The following WDFY3 variants were observed in gnomAD, a reference collection of about 807,000 sequenced individuals.
WDFY3 encodes the protein WD repeat and FYVE domain containing 3.
Under a neutral mutation model 409.6 loss-of-function variants are expected in WDFY3, and 66 were observed. That is an observed-to-expected ratio of 0.16 (90% CI 0.13 to 0.20). The LOEUF is 0.20. WDFY3 is among the 10% of genes least tolerant of loss of function. The pLI is 1.00. For synonymous variants in WDFY3, 1,521 were observed against 1,537.1 expected (o/e 0.99, Z 0.25); for missense variants, 3,031 against 4,298.1 (o/e 0.71, Z 8.24).
intron 53 of WDFY3, 151 bp from the exon 54 acceptor site, chr4:84,705,662 T>A: frequency 1.5e-6 from 1 of 658,278 alleles, no homozygotes. Flanking sequence ...AAAATAATGC[T>A]ATATATGTAC....
intron 53 of WDFY3, among the ~76,000 whole-genome samples, chr4:84,707,734 T>C (rs1174241975): frequency 6.6e-6 from 1 of 152,234 alleles, no homozygotes; most frequent in Non-Finnish European, 1.5e-5. Flanking sequence ...GAAAAAATAT[T>C]TTCATTTATC....
intron 51 of WDFY3, among the ~76,000 whole-genome samples, 155 bp from the exon 52 acceptor site, chr4:84,709,502 C>G (rs2080947154): frequency 6.6e-6 from 1 of 152,110 alleles, no homozygotes; most frequent in South Asian, 2.1e-4. Flanking sequence ...GGGTTGTGAT[C>G]AGCATTTTGA....
At chr4:84,771,426 C>T (rs1390789892) in intron 30 of WDFY3, among the ~76,000 whole-genome samples, 1 of 152,168 alleles carries the variant, frequency 6.6e-6, no homozygotes, top group East Asian at 1.9e-4. Context: ...GTGTAAGCCA[C>T]CATGTTCAGC....
rs1183401406 is a variant in WDFY3, at chr4:84,738,859, T to G, written c.6574+151A>C. On this transcript the variant is annotated intron_variant, in intron 40 of 67. Coordinates refer to ENST00000295888, the MANE Select transcript of WDFY3 (RefSeq NM_014991.6). ...ATTACTGGTTAGTGCTTTACTGTTA[T>G]TGGCATGAGGAGACTCTTTATGTAT... The G allele has an allele frequency of 4.7e-6, 3 of 638,532 alleles. No homozygotes were observed. The South Asian group carries it at 5.8e-5, about 12-fold the overall frequency. The allele number at this position is 638,532 out of a possible 1,614,324, so 39.6% of individuals were successfully genotyped here. A position where few individuals can be genotyped will look rare whatever the true frequency, so the allele number is the denominator to read the frequency against.
intron 39 of WDFY3, 90 bp from the exon 40 acceptor site, chr4:84,739,209 C>T: frequency 7.8e-7 from 1 of 1,282,188 alleles, no homozygotes; most frequent in Non-Finnish European, 1.1e-6. Context: ...CCATTACCAG[C>T]AGACACTGAA....
intron 4 of WDFY3, among the ~76,000 whole-genome samples, chr4:84,855,311 A>G (rs1474789064): frequency 6.6e-6 from 1 of 152,172 alleles, no homozygotes; most frequent in East Asian, 1.9e-4. Flanking sequence ...ACTCAGTACT[A>G]TATTTTTCTC....
intron 4 of WDFY3, among the ~76,000 whole-genome samples, chr4:84,855,180 T>C (rs1759587421): frequency 6.6e-6 from 1 of 152,220 alleles, no homozygotes; most frequent in Non-Finnish European, 1.5e-5. Context: ...GAATAGGTTC[T>C]ACTAGTAGCC....
chr4:84,716,705 A>G (rs1398232013), intron 49 of WDFY3, among the ~76,000 whole-genome samples, 191 bp downstream of exon 49: 2 of 151,940 alleles, frequency 1.3e-5, no homozygotes, highest in Non-Finnish European at 2.9e-5. Flanking sequence ...AGGCTAAGGC[A>G]GGAGAATGGT....
intron 1 of WDFY3, among the ~76,000 whole-genome samples, chr4:84,933,360 C>A (rs1219352892): frequency 6.6e-6 from 1 of 151,980 alleles, no homozygotes; most frequent in Non-Finnish European, 1.5e-5. Flanking sequence ...AGAAACCCAG[C>A]TAGAAGTAGG....
intron 2 of WDFY3, among the ~76,000 whole-genome samples, chr4:84,912,478 C>G (rs1180043781): frequency 6.6e-6 from 1 of 152,058 alleles, no homozygotes; most frequent in Non-Finnish European, 1.5e-5. Context: ...TCCATGGACT[C>G]TAATATGATT....
intron 27 of WDFY3, among the ~76,000 whole-genome samples, chr4:84,777,207 A>G (rs1449757288): frequency 6.6e-6 from 1 of 152,102 alleles, no homozygotes. Context: ...GACAGTGCTG[A>G]CTGAGCAAGA....
rs558455475 is a variant in WDFY3, at chr4:84,895,642, T to C, written c.-32+1269A>G. Among the ~76,000 whole-genome samples the C allele has an allele frequency of 5.3e-5, 8 of 152,254 alleles. No homozygotes were observed. In the South Asian group the frequency reaches 1.7e-3, roughly 32 times the overall value. On this transcript the variant is annotated intron_variant, in intron 3 of 67. Coordinates refer to ENST00000295888, the MANE Select transcript of WDFY3 (RefSeq NM_014991.6). ...CTGTTAAGTAGGAGGGTTATATATG[T>C]AGAGAAAATATTTCTAAATATAGTG...
At chr4:84,743,028 A>T (rs942689044) in intron 37 of WDFY3, among the ~76,000 whole-genome samples, 3 of 152,214 alleles carry the variant, frequency 2.0e-5, no homozygotes, top group Non-Finnish European at 4.4e-5. Flanking sequence ...GCACAGTTGC[A>T]TGTTGAGACA....
chr4:84,924,010 T>C (rs780671523), intron 2 of WDFY3, among the ~76,000 whole-genome samples: 1 of 151,910 alleles, frequency 6.6e-6, no homozygotes, highest in Non-Finnish European at 1.5e-5. Context: ...AATCAGCTTA[T>C]TTTTTTGTTA....
chr4:84,892,747 G>A (rs1331155850), intron 3 of WDFY3, among the ~76,000 whole-genome samples: 2 of 152,216 alleles, frequency 1.3e-5, no homozygotes, highest in African/African-American at 4.8e-5. Flanking sequence ...GCTAAAGTCT[G>A]TGTCCTTTTG....
intron 62 of WDFY3, among the ~76,000 whole-genome samples, chr4:84,684,894 C>G (rs1426216347): frequency 6.6e-6 from 1 of 152,182 alleles, no homozygotes; most frequent in East Asian, 1.9e-4. Context: ...TCTGAAGCAT[C>G]TCCTGTGTGC....
chr4:84,904,451 GCT>G (rs1423873799), intron 2 of WDFY3, among the ~76,000 whole-genome samples: 5 of 152,130 alleles, frequency 3.3e-5, no homozygotes, highest in African/African-American at 1.2e-4. Context: ...GCTTGGAAGG[GCT>G]CTGTTAGTCA....
chr4:84,773,118 T>C (rs1254144805), intron 29 of WDFY3, among the ~76,000 whole-genome samples, 189 bp from the exon 30 acceptor site: 2 of 152,006 alleles, frequency 1.3e-5, no homozygotes, highest in Admixed American at 6.6e-5. Flanking sequence ...GATTTTAGTT[T>C]CCTTGTTGCC....
At chr4:84,817,662 T>C (rs1753498255) in intron 12 of WDFY3, 77 bp from the exon 13 acceptor site, 1 of 1,308,142 alleles carries the variant, frequency 7.6e-7, no homozygotes, top group African/African-American at 1.5e-5. Context: ...TAACATTCAG[T>C]TATTTTTTGT....
Sources: gnomAD v4.1 joint callset for allele counts (sites outside exome capture counted in the v4.1 genomes callset) on GRCh38, gnomAD v4.1.1 for gene constraint, MANE v1.5 for transcripts, NCBI Gene and HGNC (gene_info 2026-07-23, HGNC 2026-07-21) for gene names.